Variants in PDPR observed in about 807,000 individuals in gnomAD.
PDPR encodes the protein pyruvate dehydrogenase phosphatase regulatory subunit, also known as pyruvate dehydrogenase phosphatase regulatory subunit, mitochondrial.
Under a neutral mutation model 102.2 loss-of-function variants are expected in PDPR, and 50 were observed. The observed-to-expected ratio is 0.49, with a 90% CI of 0.39 to 0.62. PDPR has a LOEUF of 0.62. PDPR is among the 20% of genes least tolerant of loss of function. The probability of loss-of-function intolerance (pLI) is 0.00; values close to 1 mark genes in which losing one functional copy is unlikely to be tolerated. For missense variants in PDPR, 625 were observed against 1,098.2 expected, an observed-to-expected ratio of 0.57 and a Z score of 6.09; for synonymous variants, 259 against 406.0, an observed-to-expected ratio of 0.64 and a Z score of 4.35.
At chr16:70,122,656 C>T (rs1236187826) in intron 3 of PDPR, among the ~76,000 whole-genome samples, 4 of 152,264 alleles carry the variant, frequency 2.6e-5, no homozygotes, top group Non-Finnish European at 2.9e-5. Flanking sequence ...ATGCCAATAT[C>T]CTGTTCATAT....
At chr16:70,136,098 T>G (rs1247069076) in intron 9 of PDPR, 96 bp from the exon 10 acceptor site, 9 of 992,068 alleles carry the variant, frequency 9.1e-6, no homozygotes, top group Non-Finnish European at 1.2e-5. Flanking sequence ...ATCAAGAGGT[T>G]TTCTGAAAGG....
rs145840009 is a variant in PDPR, at chr16:70,134,813, A to G, written c.998-1381A>G. ...AAAAAAAAAAAATAATAATAATAAT[A>G]TAGTTACCTAGTTCCAAATTTAAAA... On this transcript the variant is annotated intron_variant, in intron 9 of 18. Coordinates refer to ENST00000288050, the MANE Select transcript of PDPR (RefSeq NM_017990.5). 1.1e-3 allele frequency among the ~76,000 whole-genome samples: 166 copies of G among 152,124 alleles called. 3 individuals carry two copies. The East Asian group carries it at 0.03, about 27-fold the overall frequency.
intron 9 of PDPR, among the ~76,000 whole-genome samples, chr16:70,134,025 GC>G (rs1209174929): frequency 6.6e-6 from 1 of 152,142 alleles, no homozygotes; most frequent in Non-Finnish European, 1.5e-5. Context: ...GAGCCACCAT[GC>G]CCGGCCCCTG....
At position 70,148,621 on chromosome 16, in the gene PDPR, A is replaced by C. The variant is rs117331744; in HGVS notation, c.2052+68A>C. 5.3e-3 allele frequency: 7,307 copies of C among 1,367,374 alleles called. 298 individuals carry two copies. The East Asian group carries it at 0.15, about 29-fold the overall frequency. The allele number at this position is 1,367,374 out of a possible 1,614,324, so 84.7% of individuals were successfully genotyped here. On this transcript the variant is annotated intron_variant, in intron 17 of 18. Coordinates refer to ENST00000288050, the MANE Select transcript of PDPR (RefSeq NM_017990.5). ...CCTTCCCTTCCCTTCCCTTCCCACA[A>C]CCACTGTGGGGTGCCAGTGCTCCCA... is the stretch of plus-strand genomic sequence containing the variant.
chr16:70,150,295 G>T (rs1264496433), intron 17 of PDPR, among the ~76,000 whole-genome samples: 1 of 151,724 alleles, frequency 6.6e-6, no homozygotes, highest in Non-Finnish European at 1.5e-5. Flanking sequence ...GTAGAGACAG[G>T]ATTTCACCAT....
upstream of PDPR, chr16:70,114,310 C>G (rs1267984492): frequency 6.6e-6 from 1 of 152,176 alleles, no homozygotes; most frequent in African/African-American, 2.4e-5. Context: ...ACTTTTTGCT[C>G]GCTTCGCCCC....
chr16:70,124,139 G>T (rs2152067901), intron 3 of PDPR, among the ~76,000 whole-genome samples: 1 of 152,336 alleles, frequency 6.6e-6, no homozygotes, highest in South Asian at 2.1e-4. Flanking sequence ...AAGGTGGGTG[G>T]ATCACCTGAG....
In PDPR at chr16:70,157,169, T is replaced by C; in HGVS notation, c.*290T>C. On this transcript the variant is annotated 3_prime_UTR_variant, in exon 19 of 19. Transcript: ENST00000288050. ...TATGTCTGACAGGACAGAAGCAAGCTCCACTGTGGACATGAGTGATGGTGA... is the reference window on the plus strand; with the variant it reads ...TATGTCTGACAGGACAGAAGCAAGCCCCACTGTGGACATGAGTGATGGTGA... The C allele has an allele frequency of 1.6e-6, 1 of 632,086 alleles. No individual in the cohort carries two copies. Among genetic ancestry groups the C allele is most frequent in the Non-Finnish European group, 2.9e-6 (1 of 343,050 alleles). 39.2% of individuals were successfully genotyped at this position (632,086 alleles called of 1,614,324 possible). A position where few individuals can be genotyped will look rare whatever the true frequency, so the allele number is the denominator to read the frequency against.
At chr16:70,152,132 T>C (rs539816633) in intron 17 of PDPR, among the ~76,000 whole-genome samples, 1 of 152,404 alleles carries the variant, frequency 6.6e-6, no homozygotes, top group South Asian at 2.1e-4. Context: ...TCTGTGGGTC[T>C]CCTGCACCCA....
intron 10 of PDPR, among the ~76,000 whole-genome samples, chr16:70,136,858 T>G (rs1276907483): frequency 6.6e-6 from 1 of 152,220 alleles, no homozygotes; most frequent in Non-Finnish European, 1.5e-5. Flanking sequence ...TTCTCCTACC[T>G]CAGCCTCCCG....
chr16:70,125,391 CAAA>C (rs1555521452), intron 3 of PDPR, among the ~76,000 whole-genome samples: 1 of 144,996 alleles, frequency 6.9e-6, no homozygotes, highest in South Asian at 2.2e-4. Context: ...AACAAACAAA[CAAA>C]AAAACAAAAA....
At chr16:70,119,837 C>T (rs989016668) in intron 2 of PDPR, among the ~76,000 whole-genome samples, 4 of 150,804 alleles carry the variant, frequency 2.7e-5, no homozygotes, top group African/African-American at 1.0e-4. Context: ...AGGGACTTCC[C>T]CATTCTTGTT....
intron 16 of PDPR, among the ~76,000 whole-genome samples, chr16:70,146,917 ATATTTATTTATT>A (rs1175297679): frequency 3.9e-5 from 2 of 51,786 alleles, no homozygotes; most frequent in African/African-American, 7.2e-5. Context: ...GTGACTAAGT[ATATTTATTTATT>A]TATTTATTTA....
chr16:70,152,571 T>C (rs1966818052), intron 17 of PDPR, among the ~76,000 whole-genome samples: 1 of 152,284 alleles, frequency 6.6e-6, no homozygotes, highest in Non-Finnish European at 1.5e-5. Context: ...GTTTGGTAGA[T>C]GCCTGTTCAG....
In PDPR at chr16:70,125,175, G is replaced by A. The variant is rs533813314; in HGVS notation, c.228-2085G>A. Among the ~76,000 whole-genome samples the A allele has an allele frequency of 1.8e-4, 27 of 152,282 alleles. No individual in the cohort carries two copies. The South Asian group carries it at 4.4e-3, about 25-fold the overall frequency. ...GTGGATCATCTAAGGTCAGGAATTC[G>A]AAACCAGCCTGGCCAACATGGCAAA... On this transcript the variant is annotated intron_variant, in intron 3 of 18. Transcript: ENST00000288050.
At chr16:70,155,062 G>A (rs1303975475) in intron 18 of PDPR, among the ~76,000 whole-genome samples, 1 of 152,146 alleles carries the variant, frequency 6.6e-6, no homozygotes, top group Non-Finnish European at 1.5e-5. Context: ...CATGGTGGCA[G>A]GCACCTGTAA....
At chr16:70,136,811 C>G (rs1377170475) in intron 10 of PDPR, among the ~76,000 whole-genome samples, 3 of 152,220 alleles carry the variant, frequency 2.0e-5, no homozygotes, top group African/African-American at 7.2e-5. Flanking sequence ...GACATGATCT[C>G]AGGTCACTGC....
At chr16:70,115,640 C>T (rs1019459441) in intron 2 of PDPR, among the ~76,000 whole-genome samples, 24 of 152,168 alleles carry the variant, frequency 1.6e-4, no homozygotes, top group Non-Finnish European at 2.2e-4. Context: ...GTCCACTGTG[C>T]GCAACGCTGC....
intron 10 of PDPR, among the ~76,000 whole-genome samples, chr16:70,137,118 C>T (rs760012540): frequency 1.4e-4 from 22 of 152,256 alleles, no homozygotes; most frequent in Non-Finnish European, 2.6e-4. Flanking sequence ...TTTGGGAGGC[C>T]GAGGTGGGCG....
Sources: gnomAD v4.1 joint callset for allele counts (sites outside exome capture counted in the v4.1 genomes callset) on GRCh38, gnomAD v4.1.1 for gene constraint, MANE v1.5 for transcripts, NCBI Gene and HGNC (gene_info 2026-07-23, HGNC 2026-07-21) for gene names.